Variants in TANC1 observed in about 807,000 individuals in gnomAD.
TANC1 encodes tetratricopeptide repeat, ankyrin repeat and coiled-coil containing 1.
TANC1 carries 77 observed loss-of-function variants against 149.7 expected under a neutral mutation model. That is an observed-to-expected ratio of 0.51 (90% CI 0.43 to 0.62). The LOEUF is 0.62. Among genes scored for constraint, TANC1 ranks in the 20% least tolerant of loss-of-function variants. TANC1 has a pLI of 0.00. For synonymous variants in TANC1, 854 were observed against 925.0 expected (o/e 0.92, Z 1.39); for missense variants, 1,985 against 2,321.8 (o/e 0.85, Z 2.98).
At chr2:159,138,279 A>C (rs2050978385) in intron 5 of TANC1, among the ~76,000 whole-genome samples, 1 of 152,144 alleles carries the variant, frequency 6.6e-6, no homozygotes. Context: ...GTGTCTCGGG[A>C]GCAGGTGTAG....
chr2:159,144,354 A>G (rs1353543123), intron 5 of TANC1, among the ~76,000 whole-genome samples: 16 of 152,124 alleles, frequency 1.1e-4, no homozygotes, highest in Non-Finnish European at 2.4e-4. Context: ...GAAACAGAGC[A>G]GGTCCATGGA....
chr2:159,176,569 G>T, intron 13 of TANC1, 51 bp downstream of exon 13: 1 of 1,356,072 alleles, frequency 7.4e-7, no homozygotes, highest in Non-Finnish European at 1.0e-6. Flanking sequence ...CAATTTTACA[G>T]TGATAAATGT....
intron 1 of TANC1, among the ~76,000 whole-genome samples, chr2:158,992,075 C>T (rs535709269): frequency 2.2e-4 from 33 of 151,882 alleles, no homozygotes; most frequent in Non-Finnish European, 3.1e-4. Flanking sequence ...GAGTAATACA[C>T]GTTTAGGCTG....
intron 3 of TANC1, among the ~76,000 whole-genome samples, chr2:159,079,749 C>T (rs938423001): frequency 1.3e-5 from 2 of 152,066 alleles, no homozygotes; most frequent in Admixed American, 6.6e-5. Flanking sequence ...AGCCAGTGCC[C>T]GCAATAACAG....
intron 1 of TANC1, among the ~76,000 whole-genome samples, chr2:159,000,613 A>G (rs551348852): frequency 6.6e-6 from 1 of 152,054 alleles, no homozygotes; most frequent in East Asian, 1.9e-4. Flanking sequence ...GGGTTGCAGA[A>G]AATTGAGGGT....
intron 4 of TANC1, among the ~76,000 whole-genome samples, chr2:159,119,222 C>G (rs912052236): frequency 2.0e-5 from 3 of 152,240 alleles, no homozygotes; most frequent in Non-Finnish European, 2.9e-5. Flanking sequence ...TAGGAAGTAG[C>G]CAGGGAGTCT....
At chr2:159,228,545 T>C in intron 25 of TANC1, 1 of 469,254 alleles carries the variant, frequency 2.1e-6, no homozygotes, top group South Asian at 2.5e-5. Context: ...CACCGGGCTG[T>C]GAGGTTCCAC....
At chr2:159,110,068 G>A (rs993508042) in intron 4 of TANC1, among the ~76,000 whole-genome samples, 1 of 152,342 alleles carries the variant, frequency 6.6e-6, no homozygotes, top group Non-Finnish European at 1.5e-5. Context: ...TACTGCCACT[G>A]TGTGTGATAA....
intron 19 of TANC1, among the ~76,000 whole-genome samples, chr2:159,208,624 T>A (rs2058781816): frequency 6.6e-6 from 1 of 152,220 alleles, no homozygotes; most frequent in South Asian, 2.1e-4. Context: ...TGATGCTTGG[T>A]TGATGCCTGT....
chr2:159,050,656 A>G lies in TANC1; in HGVS notation c.-15-15240A>G, dbSNP rs144066751. ...CCTTATCTGTCAAAAGAGGATAATT[A>G]TAGTTCCCACCTGGTGGTTGTGAGG... is the stretch of plus-strand genomic sequence containing the variant. On this transcript the variant is annotated intron_variant, in intron 2 of 26. Coordinates refer to ENST00000263635, the MANE Select transcript of TANC1 (RefSeq NM_033394.3). Among the ~76,000 whole-genome samples the G allele has an allele frequency of 9.1e-4, 138 of 152,340 alleles. 1 individual carries two copies. Among genetic ancestry groups the G allele is most frequent in the African/African-American group, 3.2e-3 (133 of 41,576 alleles).
At chr2:159,097,612 C>T in intron 3 of TANC1, 25 bp from the exon 4 acceptor site, 2 of 1,580,088 alleles carry the variant, frequency 1.3e-6, no homozygotes, top group Non-Finnish European at 1.7e-6. Flanking sequence ...GATGGTTTAA[C>T]CTAAGTATTC....
chr2:159,216,044 T>C (rs9287784), intron 19 of TANC1, among the ~76,000 whole-genome samples: 29,089 of 152,094 alleles, frequency 0.19, 4,132 homozygotes, highest in East Asian at 0.48. Context: ...GAGATACACC[T>C]GTCTTCAACT....
At chr2:159,068,847 C>T (rs577616542) in intron 3 of TANC1, among the ~76,000 whole-genome samples, 1 of 152,334 alleles carries the variant, frequency 6.6e-6, no homozygotes, top group Admixed American at 6.5e-5. Context: ...TCAAGCAATT[C>T]TCCTGCCTCA....
chr2:159,176,587 G>T (rs1360516663), intron 13 of TANC1, 69 bp downstream of exon 13: 1 of 1,243,080 alleles, frequency 8.0e-7, no homozygotes, highest in Non-Finnish European at 1.1e-6. Flanking sequence ...TGTTAATAAC[G>T]TAAAACTGTT....
chr2:159,207,414 CAG>C (rs1030921148), intron 19 of TANC1, among the ~76,000 whole-genome samples: 1 of 152,132 alleles, frequency 6.6e-6, no homozygotes, highest in African/African-American at 2.4e-5. Flanking sequence ...GCTAAGAACT[CAG>C]ACTGGCCAGG....
At chr2:159,072,767 AATT>A (rs2043272290) in intron 3 of TANC1, among the ~76,000 whole-genome samples, 2 of 149,800 alleles carry the variant, frequency 1.3e-5, no homozygotes, top group South Asian at 4.2e-4. Flanking sequence ...AAAGTATAAT[AATT>A]AAAAAAAAAA....
At chr2:159,134,592 C>T (rs2050457261) in intron 4 of TANC1, among the ~76,000 whole-genome samples, 1 of 152,224 alleles carries the variant, frequency 6.6e-6, no homozygotes, top group African/African-American at 2.4e-5. Flanking sequence ...AAGCGATTCT[C>T]CTGCCTCAGC....
chr2:159,056,690 TA>T, intron 2 of TANC1: 1 of 234,072 alleles, frequency 4.3e-6, no homozygotes. Flanking sequence ...CTTGGTTCTC[TA>T]AAATGTCCAC....
At chr2:158,994,478 T>C (rs2035958215) in intron 1 of TANC1, among the ~76,000 whole-genome samples, 1 of 152,164 alleles carries the variant, frequency 6.6e-6, no homozygotes, top group Non-Finnish European at 1.5e-5. Context: ...TCTACTTGCC[T>C]AGGCTGGTCT....
Sources: gnomAD v4.1 joint callset for allele counts (sites outside exome capture counted in the v4.1 genomes callset) on GRCh38, gnomAD v4.1.1 for gene constraint, MANE v1.5 for transcripts, NCBI Gene and HGNC (gene_info 2026-07-23, HGNC 2026-07-21) for gene names.